The following GRAMD1A variants were observed in gnomAD, a reference collection of about 807,000 sequenced individuals.
GRAMD1A encodes the protein GRAM domain containing 1A, also known as protein Aster-A.
In GRAMD1A, 50 loss-of-function variants were observed where a neutral mutation model predicts 92.0. That is an observed-to-expected ratio of 0.54 (90% CI 0.43 to 0.69). GRAMD1A has a LOEUF of 0.69. Among genes scored for constraint, GRAMD1A ranks in the 30% least tolerant of loss-of-function variants. The pLI is 0.00. For synonymous variants in GRAMD1A, 405 were observed against 403.6 expected (o/e 1.00, Z -0.04); for missense variants, 819 against 978.9 (o/e 0.84, Z 2.18).
At chr19:34,996,280 G>A (rs1444004784), upstream of GRAMD1A, 2 of 1,529,032 alleles carry the variant, frequency 1.3e-6, no homozygotes, top group African/African-American at 2.7e-5. Context: ...CGCAGAGTCT[G>A]TCCCAGGACA....
intron 6 of GRAMD1A, 146 bp downstream of exon 6, chr19:35,010,525 A>T (rs938883704): frequency 1.6e-6 from 1 of 629,586 alleles, no homozygotes; most frequent in Non-Finnish European, 2.9e-6. Flanking sequence ...GGCGCCCATC[A>T]CCCCTGACCT....
intron 6 of GRAMD1A, 46 bp downstream of exon 6, chr19:35,010,425 A>G: frequency 7.9e-7 from 1 of 1,263,832 alleles, no homozygotes; most frequent in Non-Finnish European, 1.2e-6. Context: ...CCCGCTCAGC[A>G]GGCCGCCTCC....
At chr19:35,023,389 G>A (rs758021195) in intron 18 of GRAMD1A, 38 bp from the exon 19 acceptor site, 3 of 1,613,146 alleles carry the variant, frequency 1.9e-6, no homozygotes, top group Admixed American at 3.3e-5. Context: ...GCACATCGGG[G>A]GAGGCCAAGG....
chr19:35,009,845 G>C, intron 3 of GRAMD1A, 43 bp from the exon 4 acceptor site: 1 of 1,167,082 alleles, frequency 8.6e-7, no homozygotes, highest in Non-Finnish European at 1.3e-6. Flanking sequence ...AGCATTGGGA[G>C]TGTGAACCCC....
chr19:34,997,528 T>C (rs1158150430), upstream of GRAMD1A, among the ~76,000 whole-genome samples: 2 of 151,866 alleles, frequency 1.3e-5, no homozygotes, highest in African/African-American at 2.4e-5. Flanking sequence ...AGGAAAGAAC[T>C]CTACCGACCC....
upstream of GRAMD1A, chr19:35,000,160 C>T (rs2151695476): frequency 9.9e-7 from 1 of 1,006,510 alleles, no homozygotes; most frequent in Non-Finnish European, 1.2e-6. This position sits in a 1 kb window ranked among gnomAD's most constrained non-coding sequence, Gnocchi z 4.9. Context: ...CCTCTGCTTT[C>T]CCTTCTCTGT....
rs1261796778 is a variant in GRAMD1A at position 35,010,085 on chromosome 19, C to G, written c.326-7C>G. The stretch of plus-strand genomic sequence containing the variant: ...GGTGTCCTCCTGTCTCTCCCCGCCC[C>G]TCTCAGATTACTCCTGCGCCCTGCA... On this transcript the variant is annotated splice_region_variant and splice_polypyrimidine_tract_variant and intron_variant, in intron 4 of 19. Transcript: ENST00000317991. The G allele has an allele frequency of 1.9e-6, 3 of 1,596,936 alleles. No homozygotes were observed. Among genetic ancestry groups the G allele is most frequent in the Admixed American group, 1.7e-5 (1 of 59,996 alleles).
chr19:35,008,070 T>C (rs891895014), intron 1 of GRAMD1A, among the ~76,000 whole-genome samples: 1 of 152,188 alleles, frequency 6.6e-6, no homozygotes, highest in Non-Finnish European at 1.5e-5. Context: ...GGCTCACACC[T>C]GTAATCCCAG....
intron 19 of GRAMD1A, among the ~76,000 whole-genome samples, chr19:35,024,448 G>A (rs1040911602): frequency 3.3e-5 from 5 of 152,108 alleles, no homozygotes; most frequent in African/African-American, 1.2e-4. Flanking sequence ...CAGCAGTTGC[G>A]GTGGGTCAGA....
intron 13 of GRAMD1A, among the ~76,000 whole-genome samples, chr19:35,020,813 C>G (rs2015996416): frequency 1.3e-5 from 2 of 152,136 alleles, no homozygotes; most frequent in Non-Finnish European, 2.9e-5. Flanking sequence ...TCCCTCTGTT[C>G]TGGTGGGAAC....
Position 35,011,558 on chromosome 19 carries a change from G to A in GRAMD1A, c.606+4G>A. 6.2e-7 allele frequency: 1 copy of A among 1,606,840 alleles called. No homozygotes were observed. Among genetic ancestry groups the A allele is most frequent in the Non-Finnish European group, 8.5e-7 (1 of 1,176,578 alleles). ...GCAGAATGCACTGCTTGAAAAGGTG[G>A]GCCTGGGTGAGGCCCGGGTGGGGAT... On this transcript the variant is annotated splice_donor_region_variant and intron_variant, in intron 7 of 19. Transcript: ENST00000317991.
chr19:35,025,913 T>C, intron 19 of GRAMD1A, 136 bp from the exon 20 acceptor site: 1 of 651,550 alleles, frequency 1.5e-6, no homozygotes, highest in Non-Finnish European at 2.8e-6. Context: ...CTGTGCTCTT[T>C]TCACCAAGGG....
chr19:35,008,219 C>G (rs918314971), intron 1 of GRAMD1A, among the ~76,000 whole-genome samples: 1 of 151,922 alleles, frequency 6.6e-6, no homozygotes, highest in African/African-American at 2.4e-5. Flanking sequence ...ATCCCAGCTA[C>G]TCAGGAGGTT....
Position 35,023,520 on chromosome 19 carries a change from G to A in GRAMD1A, c.2055G>A (p.Leu685=). 6.3e-7 allele frequency: 1 copy of A among 1,581,368 alleles called. No homozygotes were observed. Among genetic ancestry groups the A allele is most frequent in the Non-Finnish European group, 8.6e-7 (1 of 1,166,758 alleles). Residue 685 remains leucine (L), a synonymous_variant, in exon 19 of 20, where the codon CTG becomes CTA. Coordinates refer to ENST00000317991, the MANE Select transcript of GRAMD1A (RefSeq NM_020895.5). ...AGGTGCACAAGTGGAGGCAGATCCT[G>A]CGGGCCTCCGTGGAGCTCCTGGATG... ...SVEVHKWRQI[L]RASVELLDEM...
chr19:35,021,282 T>C lies in GRAMD1A; in HGVS notation c.1476-220T>C, dbSNP rs550214159. On this transcript the variant is annotated intron_variant, in intron 13 of 19. Transcript: ENST00000317991. This position sits in a 1 kb window ranked among gnomAD's most constrained non-coding sequence, Gnocchi z 5.3. Reference sequence around the variant, plus strand: ...GCGTTGCCCAGGTAGTGGGCATGGGTGGAGAAGGACCGAGGGCTGAGTTGG... The same window carrying C: ...GCGTTGCCCAGGTAGTGGGCATGGGCGGAGAAGGACCGAGGGCTGAGTTGG... 4.7e-4 allele frequency among the ~76,000 whole-genome samples: 71 copies of C among 151,942 alleles called. No individual in the cohort carries two copies. The highest frequency in any genetic ancestry group is 1.7e-3 in the African/African-American group (69 of 41,446).
At chr19:35,022,791 G>C in intron 16 of GRAMD1A, 109 bp from the exon 17 acceptor site, 1 of 1,006,568 alleles carries the variant, frequency 9.9e-7, no homozygotes, top group Non-Finnish European at 1.4e-6. Flanking sequence ...CCAGTGAGGG[G>C]GCGTGGTGCT....
intron 10 of GRAMD1A, chr19:35,014,991 A>AC (rs1354360142): frequency 1.3e-5 from 2 of 155,212 alleles, no homozygotes; most frequent in African/African-American, 4.8e-5. Flanking sequence ...ACATAGTGAG[A>AC]CCCCTGTCTT....
intron 6 of GRAMD1A, 126 bp from the exon 7 acceptor site, chr19:35,011,348 G>A (rs892123819): frequency 2.7e-5 from 21 of 779,458 alleles, no homozygotes; most frequent in Middle Eastern, 2.3e-4. Context: ...ACTAATGCAG[G>A]GGTGAATTAG....
At position 35,009,122 on chromosome 19, in the gene GRAMD1A, C is replaced by T; in HGVS notation, c.12C>T (p.Thr4=). The change falls in exon 2 of 20, where the codon ACC becomes ACT. Residue 4 remains threonine (T), a synonymous_variant. Transcript: ENST00000317991. ...CTCTTCCTCTTCCTGCCCCCAGCAC[C>T]ACACCCCACTCTGGCCGGAGCACGC... MFD[T]TPHSGRSTPS... is the part of the protein sequence containing the mutation. The T allele has an allele frequency of 6.2e-7, 1 of 1,610,502 alleles. No individual in the cohort carries two copies. The highest frequency in any genetic ancestry group is 8.5e-7 in the Non-Finnish European group (1 of 1,176,808).
Sources: allele counts gnomAD v4.1 joint callset (sites outside exome capture counted in the v4.1 genomes callset), GRCh38; gene constraint gnomAD v4.1.1; non-coding constraint Gnocchi (gnomAD v3.1); transcripts MANE v1.5; gene names NCBI Gene and HGNC (gene_info 2026-07-23, HGNC 2026-07-21).